The following SYNC variants were observed in gnomAD, a reference collection of about 807,000 sequenced individuals.
The protein encoded by SYNC is syncoilin.
SYNC carries 38 observed loss-of-function variants against 49.5 expected under a neutral mutation model. The ratio of observed to expected loss-of-function variants is 0.77; its 90% CI spans 0.59 to 1.01. The LOEUF (loss-of-function observed/expected upper bound fraction) is 1.01. Among genes scored for constraint, SYNC ranks in the 50% least tolerant of loss-of-function variants. The pLI is 0.00. For synonymous variants in SYNC, 201 were observed against 230.8 expected, an observed-to-expected ratio of 0.87 and a Z score of 1.17; for missense variants, 579 against 580.6, an observed-to-expected ratio of 1.00 and a Z score of 0.03.
intron 2 of SYNC, among the ~76,000 whole-genome samples, chr1:32,687,855 A>ATT (rs143074006): frequency 1.0e-4 from 14 of 135,502 alleles, no homozygotes; most frequent in South Asian, 2.5e-4. Flanking sequence ...TATTATTATT[A>ATT]TTATTATTTT....
chr1:32,698,596 G>T (rs1650541457), intron 1 of SYNC, among the ~76,000 whole-genome samples: 1 of 152,080 alleles, frequency 6.6e-6, no homozygotes, highest in African/African-American at 2.4e-5. Flanking sequence ...GTTAGAACTG[G>T]CCCACCCTTC....
chr1:32,699,803 G>C (rs930443970), intron 1 of SYNC, among the ~76,000 whole-genome samples: 1 of 149,452 alleles, frequency 6.7e-6, no homozygotes, highest in Non-Finnish European at 1.5e-5. Context: ...GTGCAATCTC[G>C]GCTCACTGCA....
At chr1:32,683,748 T>A in intron 4 of SYNC, 1 of 376,942 alleles carries the variant, frequency 2.7e-6, no homozygotes, top group Non-Finnish European at 4.9e-6. Flanking sequence ...TTCTCCTGCC[T>A]TGGCCTCCTG....
intron 4 of SYNC, 145 bp downstream of exon 4, chr1:32,683,865 C>A: frequency 1.4e-6 from 1 of 717,266 alleles, no homozygotes; most frequent in Non-Finnish European, 2.3e-6. Flanking sequence ...ACTCCTGACT[C>A]CAGGTGATCC....
intron 1 of SYNC, among the ~76,000 whole-genome samples, chr1:32,696,721 T>C (rs1053765928): frequency 6.6e-5 from 10 of 152,004 alleles, no homozygotes; most frequent in African/African-American, 2.2e-4. Context: ...GTGCTGGGAT[T>C]ATAGGCATGA....
chr1:32,703,176 C>G (rs1323190204), upstream of SYNC: 2 of 152,190 alleles, frequency 1.3e-5, no homozygotes, highest in Admixed American at 1.3e-4. Flanking sequence ...CAGCCACCCT[C>G]TGGGCACTCC....
Position 32,680,198 on chromosome 1 carries a change from A to G in SYNC, c.*1652T>C. 1 of 1,111,834 alleles carries G rather than the reference A, an allele frequency of 9.0e-7. No homozygotes were observed. Among genetic ancestry groups the G allele is most frequent in the Non-Finnish European group, 1.1e-6 (1 of 911,138 alleles). The allele number at this position is 1,111,834 out of a possible 1,614,324, so 68.9% of individuals were successfully genotyped here. On this transcript the variant is annotated 3_prime_UTR_variant, in exon 5 of 5. Transcript: ENST00000409190. ...GACTTTCCAGGATGCACATTTTCAT[A>G]CGTAGACCAGTTTCCTCTTGGTTTC...
At chr1:32,701,204 C>T (rs1000729534) in intron 1 of SYNC, among the ~76,000 whole-genome samples, 5 of 152,118 alleles carry the variant, frequency 3.3e-5, no homozygotes, top group South Asian at 2.1e-4. Context: ...CGTGAGCCAC[C>T]GCGCCGGGCC....
Position 32,681,778 on chromosome 1 carries a change from C to A in SYNC, c.*72G>T. The A allele has an allele frequency of 1.2e-6, 2 of 1,613,720 alleles. No homozygotes were observed. The highest frequency in any genetic ancestry group is 2.2e-5 in the South Asian group (2 of 91,028). ...TCTTGTCTGGTTGGAAGAGTACATC[C>A]AAAGGGTACTTAGTGATCCTTTGCT... is the stretch of plus-strand genomic sequence containing the variant. On this transcript the variant is annotated 3_prime_UTR_variant, in exon 5 of 5. Coordinates refer to ENST00000409190, the MANE Select transcript of SYNC (RefSeq NM_030786.3).
rs1045214191 is a variant in SYNC, at chr1:32,680,091, A to G, written c.*1759T>C. On this transcript the variant is annotated 3_prime_UTR_variant, in exon 5 of 5. Transcript: ENST00000409190. ...GTAGGTGTCTGAGCCATGAAGTATAAATACTGAAAGATGTCACTTTTATTC... is the reference window on the plus strand; with the variant it reads ...GTAGGTGTCTGAGCCATGAAGTATAGATACTGAAAGATGTCACTTTTATTC... 1.2e-4 allele frequency: 128 copies of G among 1,066,730 alleles called. No individual in the cohort carries two copies. The highest frequency in any genetic ancestry group is 1.4e-4 in the Non-Finnish European group (122 of 883,460). The allele number at this position is 1,066,730 out of a possible 1,614,324, so 66.1% of individuals were successfully genotyped here. A position where few individuals can be genotyped will look rare whatever the true frequency, so the allele number is the denominator to read the frequency against.
At position 32,694,874 on chromosome 1, in the gene SYNC, C is replaced by T. The variant is rs1045073847; in HGVS notation, c.1224G>A (p.Gln408=). ...TGCCCAATGGGCCTACCCTGTACTG[C>T]TGCACCTCTTCATCTCGTTTTTGCC... ...LVRQKRDEEV[Q]QYREQLEEME... is the part of the protein sequence containing the mutation. Residue 408 remains glutamine (Q), a synonymous_variant, in exon 2 of 5, where the codon CAG becomes CAA. Coordinates refer to ENST00000409190, the MANE Select transcript of SYNC (RefSeq NM_030786.3). 1 of 1,605,146 alleles carries T rather than the reference C, an allele frequency of 6.2e-7. No homozygotes were observed. The highest frequency in any genetic ancestry group is 1.3e-5 in the African/African-American group (1 of 74,410).
Position 32,681,682 on chromosome 1 carries a change from G to GC in SYNC, c.*167_*168insG, listed in dbSNP as rs1649445910. On this transcript the variant is annotated 3_prime_UTR_variant, in exon 5 of 5. Coordinates refer to ENST00000409190, the MANE Select transcript of SYNC (RefSeq NM_030786.3). The stretch of plus-strand genomic sequence containing the variant: ...CATGTTCTGCCTCCGGCCAACTCTA[G>GC]AATCTTTTTAAGCAGGTCAGCCAGT... 9.8e-7 allele frequency: 1 copy of GC among 1,016,486 alleles called. No homozygotes were observed. The highest frequency in any genetic ancestry group is 1.6e-5 in the African/African-American group (1 of 61,950). 63.0% of individuals were successfully genotyped at this position (1,016,486 alleles called of 1,614,324 possible).
intron 2 of SYNC, among the ~76,000 whole-genome samples, chr1:32,689,164 CT>C (rs1169319677): frequency 2.8e-5 from 4 of 142,912 alleles, no homozygotes; most frequent in Non-Finnish European, 6.0e-5. Context: ...TGGTCTCGAT[CT>C]TTTGACGTGA....
At chr1:32,702,935 CT>C (rs1557880875), upstream of SYNC, 2 of 165,494 alleles carry the variant, frequency 1.2e-5, no homozygotes, top group African/African-American at 4.8e-5. The surrounding 1 kb of genome is among the most constrained non-coding windows in gnomAD (Gnocchi z 6.2). Context: ...TCCCAGCCCC[CT>C]CGTCTTCCCG....
At chr1:32,687,610 T>C (rs774887123) in intron 2 of SYNC, among the ~76,000 whole-genome samples, 1 of 149,770 alleles carries the variant, frequency 6.7e-6, no homozygotes, top group Non-Finnish European at 1.5e-5. Flanking sequence ...AGGCAAAGGT[T>C]ACAGTGAGCC....
At chr1:32,696,683 C>T (rs1415092586) in intron 1 of SYNC, among the ~76,000 whole-genome samples, 2 of 152,158 alleles carry the variant, frequency 1.3e-5, no homozygotes, top group African/African-American at 4.8e-5. Flanking sequence ...CTCCTGACCT[C>T]ATGATCTGCC....
chr1:32,693,077 G>GTT (rs199763173), intron 2 of SYNC, among the ~76,000 whole-genome samples: 2 of 147,244 alleles, frequency 1.4e-5, no homozygotes, highest in Non-Finnish European at 3.0e-5. Context: ...TTTTTTTTTT[G>GTT]TTTGTTTGTT....
chr1:32,692,518 C>T (rs547395430), intron 2 of SYNC, among the ~76,000 whole-genome samples: 7 of 152,142 alleles, frequency 4.6e-5, no homozygotes, highest in African/African-American at 9.6e-5. Context: ...AGGCTGAGGC[C>T]GGTGGATCAC....
rs1649381538 is a variant in SYNC, at chr1:32,680,748, G to C, written c.*1102C>G. ...CCTTCAGATGACAGTTGTTGTCCAT[G>C]GTCTTTGACTATCAAGAGCAGAATT... On this transcript the variant is annotated 3_prime_UTR_variant, in exon 5 of 5. Transcript: ENST00000409190. The C allele has an allele frequency of 1.9e-6, 1 of 514,766 alleles. No homozygotes were observed. The highest frequency in any genetic ancestry group is 3.2e-5 in the East Asian group (1 of 31,172). 31.9% of individuals were successfully genotyped at this position (514,766 alleles called of 1,614,324 possible).
Sources: allele counts gnomAD v4.1 joint callset (sites outside exome capture counted in the v4.1 genomes callset), GRCh38; gene constraint gnomAD v4.1.1; non-coding constraint Gnocchi (gnomAD v3.1); transcripts MANE v1.5; gene names NCBI Gene and HGNC (gene_info 2026-07-23, HGNC 2026-07-21).